FAM227B: variants seen among roughly 807,000 people sequenced by gnomAD.
FAM227B encodes family with sequence similarity 227 member B, also known as protein FAM227B.
In FAM227B, 88 loss-of-function variants were observed where a neutral mutation model predicts 73.8. The observed-to-expected ratio is 1.19, with a 90% confidence interval of 1.00 to 1.42. The LOEUF (loss-of-function observed/expected upper bound fraction) is 1.42, where lower values mean the gene tolerates loss of function less well. Ranked by LOEUF, FAM227B falls within the 40% of genes most tolerant of loss-of-function variation. The pLI, the probability that FAM227B is intolerant of heterozygous loss-of-function variation, is 0.00. For synonymous variants in FAM227B, 210 were observed against 190.5 expected (o/e 1.10, Z -0.84); for missense variants, 632 against 590.9 (o/e 1.07, Z -0.72).
At chr15:49,422,178 G>T (rs1398502169) in intron 11 of FAM227B, among the ~76,000 whole-genome samples, 3 of 134,186 alleles carry the variant, frequency 2.2e-5, no homozygotes, top group African/African-American at 8.5e-5. Context: ...GCGCGCGCGC[G>T]TGCACGCGTG....
At chr15:49,391,705 A>G (rs2047222447) in intron 11 of FAM227B, among the ~76,000 whole-genome samples, 1 of 152,246 alleles carries the variant, frequency 6.6e-6, no homozygotes, top group South Asian at 2.1e-4. Context: ...GAATCCACCT[A>G]TGACCTGTGA....
At chr15:49,353,690 G>A (rs557042496) in intron 13 of FAM227B, 2 of 144,638 alleles carry the variant, frequency 1.4e-5, no homozygotes, top group East Asian at 2.0e-4. Context: ...TATTCACTTC[G>A]CCCAGAGTAT....
chr15:49,385,494 A>C (rs929009379), intron 11 of FAM227B, among the ~76,000 whole-genome samples: 2 of 151,746 alleles, frequency 1.3e-5, no homozygotes, highest in Non-Finnish European at 2.9e-5. Flanking sequence ...CAATATTGTT[A>C]TTAATAAAAG....
intron 9 of FAM227B, among the ~76,000 whole-genome samples, chr15:49,555,585 T>C (rs1025097042): frequency 6.6e-6 from 1 of 152,224 alleles, no homozygotes; most frequent in African/African-American, 2.4e-5. Flanking sequence ...AATTTGAATG[T>C]TGGCCTCTCT....
chr15:49,413,733 T>C (rs2049024865), intron 11 of FAM227B, among the ~76,000 whole-genome samples: 1 of 152,030 alleles, frequency 6.6e-6, no homozygotes, highest in African/African-American at 2.4e-5. Context: ...CAACGCCTTA[T>C]GTACATTGGT....
intron 11 of FAM227B, among the ~76,000 whole-genome samples, chr15:49,372,438 T>C (rs1053842012): frequency 4.6e-5 from 7 of 152,188 alleles, no homozygotes; most frequent in African/African-American, 1.7e-4. Flanking sequence ...AGGACATAAA[T>C]TGGGTCTTTT....
At chr15:49,549,090 G>A (rs141887938) in intron 9 of FAM227B, among the ~76,000 whole-genome samples, 2 of 152,004 alleles carry the variant, frequency 1.3e-5, no homozygotes, top group Non-Finnish European at 2.9e-5. Flanking sequence ...AAGACACATT[G>A]TTAGAGACTG....
chr15:49,439,445 C>T (rs2051422447), intron 11 of FAM227B, among the ~76,000 whole-genome samples: 1 of 151,668 alleles, frequency 6.6e-6, no homozygotes, highest in African/African-American at 2.4e-5. Flanking sequence ...GAGGGAACTA[C>T]CCAAGGGTGT....
At chr15:49,383,949 A>G (rs1452186212) in intron 11 of FAM227B, among the ~76,000 whole-genome samples, 1 of 152,082 alleles carries the variant, frequency 6.6e-6, no homozygotes, top group Non-Finnish European at 1.5e-5. Flanking sequence ...ATGAGGAGCC[A>G]GCAGCTTCTG....
intron 11 of FAM227B, among the ~76,000 whole-genome samples, chr15:49,419,413 G>C (rs11635354): frequency 0.15 from 23,086 of 152,130 alleles, 2,257 homozygotes; most frequent in Non-Finnish European, 0.21. Context: ...CCCTAGTCAG[G>C]AAGCATTTAT....
At chr15:49,328,963 T>C (rs1362482678) in intron 15 of FAM227B, 1 of 1,078,356 alleles carries the variant, frequency 9.3e-7, no homozygotes, top group Non-Finnish European at 1.1e-6. Flanking sequence ...AATAAAGAAT[T>C]ATCTAGATGA....
chr15:49,614,550 G>A (rs1204519430), intron 2 of FAM227B, among the ~76,000 whole-genome samples: 1 of 152,160 alleles, frequency 6.6e-6, no homozygotes, highest in Non-Finnish European at 1.5e-5. Flanking sequence ...CTGTCCCATA[G>A]AACTAATGTT....
chr15:49,460,879 C>T (rs2053731301), intron 11 of FAM227B, among the ~76,000 whole-genome samples: 3 of 152,112 alleles, frequency 2.0e-5, no homozygotes, highest in Non-Finnish European at 4.4e-5. Flanking sequence ...TTGTCTTTTT[C>T]AGAATGCATT....
chr15:49,345,510 G>A (rs188639975), intron 13 of FAM227B, among the ~76,000 whole-genome samples: 43 of 152,134 alleles, frequency 2.8e-4, no homozygotes, highest in Admixed American at 1.5e-3. Flanking sequence ...AATTTTTTCC[G>A]AATTAGATAA....
At chr15:49,555,611 T>C (rs2073576626) in intron 9 of FAM227B, among the ~76,000 whole-genome samples, 1 of 152,204 alleles carries the variant, frequency 6.6e-6, no homozygotes, top group Non-Finnish European at 1.5e-5. Flanking sequence ...GGGTGGGTAA[T>C]TTTTCACAAA....
chr15:49,328,942 A>G (rs2038043208), intron 15 of FAM227B: 7 of 1,128,360 alleles, frequency 6.2e-6, no homozygotes, highest in Admixed American at 8.6e-5. Flanking sequence ...AGACTCTTCT[A>G]TTCACATTGA....
intron 11 of FAM227B, among the ~76,000 whole-genome samples, chr15:49,414,378 T>C: frequency 7.5e-6 from 1 of 132,912 alleles, no homozygotes. Flanking sequence ...TCCACTTCTC[T>C]ACCAAGAGGT....
intron 11 of FAM227B, among the ~76,000 whole-genome samples, chr15:49,405,456 A>G (rs2048450439): frequency 6.6e-6 from 1 of 152,064 alleles, no homozygotes; most frequent in Non-Finnish European, 1.5e-5. Context: ...GTTGCTTTTT[A>G]TTCTTTTTTC....
intron 2 of FAM227B, among the ~76,000 whole-genome samples, chr15:49,612,805 T>C (rs940239974): frequency 6.6e-6 from 1 of 152,176 alleles, no homozygotes; most frequent in Non-Finnish European, 1.5e-5. Context: ...TGCTAAAAAA[T>C]AATTACATAT....
Sources: gnomAD v4.1 joint callset for allele counts (sites outside exome capture counted in the v4.1 genomes callset) on GRCh38, gnomAD v4.1.1 for gene constraint, MANE v1.5 for transcripts, NCBI Gene and HGNC (gene_info 2026-07-23, HGNC 2026-07-21) for gene names.